The following LIMA1 variants were observed in gnomAD, a reference collection of about 807,000 sequenced individuals.
The protein encoded by LIMA1 is LIM domain and actin binding 1.
A neutral mutation model predicts 62.6 loss-of-function variants in LIMA1; 52 were observed. That is an observed-to-expected ratio of 0.83 (90% confidence interval 0.67 to 1.05). The LOEUF (loss-of-function observed/expected upper bound fraction) is 1.05, where lower values mean the gene tolerates loss of function less well. Ranked by LOEUF, LIMA1 falls within the 50% of genes least tolerant of loss-of-function variation. The pLI is 0.00. For synonymous variants in LIMA1, 302 were observed against 317.8 expected, an observed-to-expected ratio of 0.95 and a Z score of 0.53; for missense variants, 780 against 902.2, an observed-to-expected ratio of 0.86 and a Z score of 1.74.
Position 50,193,678 on chromosome 12 carries a change from T to TA in LIMA1, c.1031-1118_1031-1117insT, listed in dbSNP as rs1565833601. On this transcript the variant is annotated intron_variant, in intron 8 of 10. Coordinates refer to ENST00000341247, the MANE Select transcript of LIMA1 (RefSeq NM_016357.5). ...TATATATATATATATTTTTTTTTTT[T>TA]TTTTTTTTCAGAGTCTCACTCTGTC... 3.9e-3 allele frequency among the ~76,000 whole-genome samples: 515 copies of TA among 131,830 alleles called. 16 individuals are homozygous for TA. The highest frequency in any genetic ancestry group is 0.014 in the African/African-American group (489 of 34,836). 86.5% of individuals were successfully genotyped at this position (131,830 alleles called of 152,430 possible).
intron 4 of LIMA1, among the ~76,000 whole-genome samples, chr12:50,210,570 C>T (rs1345748827): frequency 1.3e-5 from 2 of 152,180 alleles, no homozygotes; most frequent in Non-Finnish European, 2.9e-5. Context: ...TGTTTTCTGT[C>T]TAGTTGGAGC....
intron 1 of LIMA1, among the ~76,000 whole-genome samples, chr12:50,249,105 G>T (rs1941892431): frequency 6.6e-6 from 1 of 152,200 alleles, no homozygotes; most frequent in Admixed American, 6.5e-5. Context: ...TTACATCCCA[G>T]GGGAGGTACA....
chr12:50,196,348 C>T (rs1387166996), intron 7 of LIMA1, among the ~76,000 whole-genome samples: 1 of 152,136 alleles, frequency 6.6e-6, no homozygotes, highest in Admixed American at 6.5e-5. Context: ...CTACATCCTG[C>T]TGAAACGAGC....
chr12:50,248,911 G>A (rs1941889555), intron 1 of LIMA1, 137 bp from the exon 2 acceptor site: 1 of 580,152 alleles, frequency 1.7e-6, no homozygotes. Context: ...TGTAACCTTG[G>A]TCAAATGATC....
At chr12:50,218,673 A>T (rs1941390474) in intron 4 of LIMA1, among the ~76,000 whole-genome samples, 1 of 151,954 alleles carries the variant, frequency 6.6e-6, no homozygotes, top group African/African-American at 2.4e-5. Flanking sequence ...TGGGAGGCCA[A>T]GGCAGGAGGA....
intron 1 of LIMA1, among the ~76,000 whole-genome samples, chr12:50,265,620 A>G (rs867559308): frequency 6.6e-6 from 1 of 152,142 alleles, no homozygotes; most frequent in Non-Finnish European, 1.5e-5. Context: ...TTTCATAATT[A>G]TTAGAAAAAC....
chr12:50,236,705 G>A (rs1021188731), intron 2 of LIMA1, among the ~76,000 whole-genome samples: 1 of 151,908 alleles, frequency 6.6e-6, no homozygotes, highest in African/African-American at 2.4e-5. Context: ...CGTCTTTCTT[G>A]CCTATTAAAG....
At chr12:50,241,150 G>A (rs566237248) in intron 2 of LIMA1, among the ~76,000 whole-genome samples, 2 of 152,210 alleles carry the variant, frequency 1.3e-5, no homozygotes, top group South Asian at 2.1e-4. Flanking sequence ...TGCAAATAAC[G>A]CTTTGGGGAA....
intron 6 of LIMA1, chr12:50,201,201 C>T (rs1373713875): frequency 1.9e-6 from 2 of 1,070,908 alleles, no homozygotes; most frequent in African/African-American, 3.4e-5. Flanking sequence ...CTTCTAGCAG[C>T]AGAGCTTGTG....
At chr12:50,244,629 TTTCA>T (rs1941822762) in intron 2 of LIMA1, among the ~76,000 whole-genome samples, 1 of 152,216 alleles carries the variant, frequency 6.6e-6, no homozygotes, top group African/African-American at 2.4e-5. Flanking sequence ...TTTGCAATCC[TTTCA>T]GCCTTCATGG....
intron 1 of LIMA1, among the ~76,000 whole-genome samples, chr12:50,279,296 C>A (rs1301941694): frequency 1.3e-5 from 2 of 150,618 alleles, no homozygotes; most frequent in Non-Finnish European, 3.0e-5. Flanking sequence ...TGAGCCATCA[C>A]ACCCGGCCTG....
rs367903430 is a variant in LIMA1 at position 50,222,345 on chromosome 12, G to T, written c.306C>A (p.Asp102Glu). ...GGCTTGTCACTTCAGCAGGAGGATG[G>T]TCTGCTCTGTGCCTAATCTCAGTGC... ...NSSTEIRHRA[D>E]HPPAEVTSHA... is the part of the protein sequence containing the mutation. Residue 102 changes from aspartate to glutamate, a missense_variant, in exon 4 of 11, where the codon GAC (aspartate) becomes GAA (glutamate). Transcript: ENST00000341247. The T allele has an allele frequency of 6.2e-7, 1 of 1,614,116 alleles. No individual in the cohort carries two copies.
intron 4 of LIMA1, among the ~76,000 whole-genome samples, chr12:50,221,171 G>C (rs1941433097): frequency 6.6e-6 from 1 of 152,144 alleles, no homozygotes; most frequent in Admixed American, 6.5e-5. Context: ...CCATCTAGGT[G>C]GAATCTAGAG....
intron 2 of LIMA1, among the ~76,000 whole-genome samples, chr12:50,240,583 A>G (rs1416921709): frequency 6.6e-6 from 1 of 152,172 alleles, no homozygotes; most frequent in Non-Finnish European, 1.5e-5. Flanking sequence ...CTGGCAGCTG[A>G]GTCAATGGAA....
At chr12:50,188,530 T>C (rs895557432) in intron 9 of LIMA1, 1 of 152,236 alleles carries the variant, frequency 6.6e-6, no homozygotes, top group South Asian at 2.1e-4. Context: ...CTCTGGTCAT[T>C]ACACAATGCT....
chr12:50,268,806 C>G lies in LIMA1; in HGVS notation c.-24+14614G>C, dbSNP rs1942170437. ...GGCTCTAGAAATGTTCAATAACTTG[C>G]TCAAGGTCACAGAGCTAATAACTGA... On this transcript the variant is annotated intron_variant, in intron 1 of 10. Coordinates refer to ENST00000341247, the MANE Select transcript of LIMA1 (RefSeq NM_016357.5). Among the ~76,000 whole-genome samples the G allele has an allele frequency of 3.3e-5, 5 of 152,142 alleles. No homozygotes were observed. In the South Asian group the frequency reaches 1.0e-3, roughly 32 times the overall value.
At chr12:50,271,086 C>T (rs1334901047) in intron 1 of LIMA1, among the ~76,000 whole-genome samples, 5 of 150,092 alleles carry the variant, frequency 3.3e-5, no homozygotes, top group African/African-American at 1.2e-4. Context: ...AGCGAGACTC[C>T]GTCTCAAAAC....
chr12:50,240,695 GT>G (rs1469036295), intron 2 of LIMA1, among the ~76,000 whole-genome samples: 1 of 152,126 alleles, frequency 6.6e-6, no homozygotes, highest in African/African-American at 2.4e-5. Context: ...CATCCATTTG[GT>G]GGTAGCAGTG....
At chr12:50,255,285 T>G (rs1284974441) in intron 1 of LIMA1, among the ~76,000 whole-genome samples, 1 of 151,794 alleles carries the variant, frequency 6.6e-6, no homozygotes, top group African/African-American at 2.4e-5. Context: ...CCACATGTGG[T>G]GGCTCATGCC....
Sources: allele counts gnomAD v4.1 joint callset (sites outside exome capture counted in the v4.1 genomes callset), GRCh38; gene constraint gnomAD v4.1.1; transcripts MANE v1.5; gene names NCBI Gene and HGNC (gene_info 2026-07-23, HGNC 2026-07-21).